Variants in RNF17 observed in about 807,000 individuals in gnomAD.
RNF17 encodes ring finger protein 17, also known as spermatogenesis associated 23.
Under a neutral mutation model 200.5 loss-of-function variants are expected in RNF17, and 31 were observed. That is an observed-to-expected ratio of 0.15 (90% CI 0.12 to 0.21). The LOEUF (loss-of-function observed/expected upper bound fraction) is 0.21, where lower values mean the gene tolerates loss of function less well. Among genes scored for constraint, RNF17 ranks in the 10% least tolerant of loss-of-function variants. The pLI is 1.00. For missense variants in RNF17, 1,628 were observed against 1,905.1 expected, an observed-to-expected ratio of 0.85 and a Z score of 2.71; for synonymous variants, 606 against 637.8, an observed-to-expected ratio of 0.95 and a Z score of 0.75.
chr13:24,844,911 A>G (rs1566213876), intron 21 of RNF17, 50 bp from the exon 22 acceptor site: 2 of 1,556,590 alleles, frequency 1.3e-6, no homozygotes, highest in Admixed American at 3.6e-5. Context: ...TGCCAAAAAA[A>G]TATTTCGAAA....
chr13:24,865,818 T>G (rs1303337831), intron 29 of RNF17, among the ~76,000 whole-genome samples: 1 of 152,128 alleles, frequency 6.6e-6, no homozygotes, highest in Non-Finnish European at 1.5e-5. Flanking sequence ...GTTACGTCTG[T>G]TATTAAACAC....
chr13:24,824,473 AT>A (rs952473073), intron 15 of RNF17: 18 of 308,528 alleles, frequency 5.8e-5, no homozygotes, highest in African/African-American at 2.6e-4. Flanking sequence ...AAAAAAATTC[AT>A]TTTTTCCATT....
At chr13:24,881,662 CCT>C (rs1338239809), downstream of RNF17, among the ~76,000 whole-genome samples, 1 of 148,566 alleles carries the variant, frequency 6.7e-6, no homozygotes, top group Non-Finnish European at 1.5e-5. Context: ...ATCTAGATAA[CCT>C]ATATATATCT....
intron 33 of RNF17, among the ~76,000 whole-genome samples, chr13:24,876,683 A>G (rs1288327429): frequency 6.6e-6 from 1 of 152,170 alleles, no homozygotes; most frequent in African/African-American, 2.4e-5. Flanking sequence ...GTGACGTGGA[A>G]CATCCTGTCA....
chr13:24,753,637 G>A, the RNF17 span, among the ~76,000 whole-genome samples: 1 of 152,190 alleles, frequency 6.6e-6, no homozygotes, highest in African/African-American at 2.4e-5. Flanking sequence ...AGCTAGAGTA[G>A]AAGGGTCATT....
chr13:24,859,275 T>A (rs1178206122), intron 26 of RNF17, 111 bp downstream of exon 26: 1 of 798,106 alleles, frequency 1.3e-6, no homozygotes, highest in Non-Finnish European at 1.8e-6. Context: ...TGATGAAAAT[T>A]GTGTAGGAAG....
intron 1 of RNF17, 26 bp from the exon 2 acceptor site, chr13:24,767,246 A>G: frequency 6.7e-7 from 1 of 1,483,990 alleles, no homozygotes. Flanking sequence ...CATCATCAAA[A>G]TAATAATTAA....
At position 24,860,437 on chromosome 13, in the gene RNF17, A is replaced by T. The variant is rs1266330060; in HGVS notation, c.3775-831A>T. 3.3e-5 allele frequency among the ~76,000 whole-genome samples: 5 copies of T among 152,210 alleles called. No individual in the cohort carries two copies. In the South Asian group the frequency reaches 6.2e-4, roughly 19 times the overall value. ...AATGGATTTTTCATTTCTTAATCTGATATCTTTCAAAGTTTATCCTGTGAT... is the reference window on the plus strand; with the variant it reads ...AATGGATTTTTCATTTCTTAATCTGTTATCTTTCAAAGTTTATCCTGTGAT... On this transcript the variant is annotated intron_variant, in intron 26 of 35. Coordinates refer to ENST00000255324, the MANE Select transcript of RNF17 (RefSeq NM_031277.3).
At chr13:24,880,416 T>C (rs1223700807), downstream of RNF17, among the ~76,000 whole-genome samples, 1 of 152,238 alleles carries the variant, frequency 6.6e-6, no homozygotes, top group Non-Finnish European at 1.5e-5. Flanking sequence ...AGCCAAAGCA[T>C]ATTAAGAGGT....
chr13:24,773,005 A>G (rs977834634), intron 2 of RNF17, among the ~76,000 whole-genome samples: 1 of 152,196 alleles, frequency 6.6e-6, no homozygotes, highest in African/African-American at 2.4e-5. Context: ...AAAACCCACA[A>G]TGAGATACCA....
chr13:24,764,079 G>T, upstream of RNF17: 5 of 888,942 alleles, frequency 5.6e-6, no homozygotes, highest in Non-Finnish European at 8.5e-6. Context: ...CGAGCTTGGG[G>T]GCGGGCTTTA....
chr13:24,877,515 A>T (rs1894983542), intron 34 of RNF17, among the ~76,000 whole-genome samples: 1 of 152,204 alleles, frequency 6.6e-6, no homozygotes, highest in Non-Finnish European at 1.5e-5. Flanking sequence ...AGGTTGAATG[A>T]AATAAGTACT....
intron 16 of RNF17, among the ~76,000 whole-genome samples, chr13:24,827,248 G>A (rs1888777168): frequency 6.6e-6 from 1 of 151,978 alleles, no homozygotes; most frequent in South Asian, 2.1e-4. Context: ...TTTTACTTTA[G>A]TTTGATACTG....
intron 2 of RNF17, among the ~76,000 whole-genome samples, chr13:24,773,535 A>G (rs1053810642): frequency 2.6e-5 from 4 of 152,120 alleles, no homozygotes; most frequent in Admixed American, 6.5e-5. Context: ...AACAGTAGAC[A>G]CTGGGGACTG....
At chr13:24,827,986 C>T (rs1437414807) in intron 16 of RNF17, among the ~76,000 whole-genome samples, 2 of 152,068 alleles carry the variant, frequency 1.3e-5, no homozygotes, top group African/African-American at 4.8e-5. Context: ...CCAAGTACTG[C>T]TGCATTAGGG....
chr13:24,761,314 T>A (rs114005879), upstream of RNF17, among the ~76,000 whole-genome samples: 1,463 of 152,332 alleles, frequency 9.6e-3, 29 homozygotes, highest in African/African-American at 0.034. Flanking sequence ...GGAATAAATA[T>A]GTTATATGCT....
chr13:24,777,934 T>C lies in RNF17; in HGVS notation c.318-361T>C, dbSNP rs7339320. On this transcript the variant is annotated intron_variant, in intron 3 of 35. Transcript: ENST00000255324. ...AATCTGAATAGAAGATTAAAACCAT[T>C]ACATTGATTGATGAGGTAATATTGG... Among the ~76,000 whole-genome samples the C allele has an allele frequency of 2.7e-3, 416 of 152,306 alleles. 5 individuals carry two copies. Among genetic ancestry groups the C allele is most frequent in the African/African-American group, 9.6e-3 (401 of 41,562 alleles).
intron 18 of RNF17, among the ~76,000 whole-genome samples, chr13:24,834,830 G>C (rs1889791509): frequency 1.3e-5 from 2 of 152,200 alleles, no homozygotes; most frequent in Non-Finnish European, 2.9e-5. Context: ...CTCCTGGCCA[G>C]AACTCAGGGG....
chr13:24,851,071 C>T (rs1306023945), intron 23 of RNF17, among the ~76,000 whole-genome samples: 2 of 152,124 alleles, frequency 1.3e-5, no homozygotes, highest in South Asian at 2.1e-4. Flanking sequence ...CTCGGCTCAC[C>T]GCAATCTCCG....
Sources: allele counts gnomAD v4.1 joint callset (sites outside exome capture counted in the v4.1 genomes callset), GRCh38; gene constraint gnomAD v4.1.1; transcripts MANE v1.5; gene names NCBI Gene and HGNC (gene_info 2026-07-23, HGNC 2026-07-21).